ANGEL2: variants seen among roughly 807,000 people sequenced by gnomAD.
ANGEL2 encodes the protein angel homolog 2.
A neutral mutation model predicts 66.0 loss-of-function variants in ANGEL2; 41 were observed. The ratio of observed to expected loss-of-function variants is 0.62; its 90% CI spans 0.48 to 0.81. ANGEL2 has a LOEUF of 0.81. Among genes scored for constraint, ANGEL2 ranks in the 30% least tolerant of loss-of-function variants. The pLI is 0.00. For missense variants in ANGEL2, 561 were observed against 641.6 expected, an observed-to-expected ratio of 0.87 and a Z score of 1.36; for synonymous variants, 208 against 226.5, an observed-to-expected ratio of 0.92 and a Z score of 0.73.
At chr1:213,004,689 G>A (rs1164961339) in intron 5 of ANGEL2, among the ~76,000 whole-genome samples, 1 of 151,764 alleles carries the variant, frequency 6.6e-6, no homozygotes, top group Non-Finnish European at 1.5e-5. Flanking sequence ...TCAACAAGCT[G>A]AAACCCCGTC....
intron 1 of ANGEL2, chr1:213,015,209 G>A (rs1411006257): frequency 9.5e-7 from 1 of 1,049,418 alleles, no homozygotes; most frequent in Non-Finnish European, 1.1e-6. Flanking sequence ...CAAGGGATCA[G>A]GCCCGCCGAG....
chr1:213,005,505 C>T (rs2076300632), intron 4 of ANGEL2, 51 bp from the exon 5 acceptor site: 4 of 1,476,926 alleles, frequency 2.7e-6, no homozygotes, highest in African/African-American at 1.4e-5. Flanking sequence ...ATATATTTAT[C>T]AAAACACAGC....
intron 1 of ANGEL2, chr1:213,015,177 G>A: frequency 9.8e-7 from 1 of 1,019,924 alleles, no homozygotes; most frequent in African/African-American, 1.7e-5. Context: ...CCCCTCCTGG[G>A]CGTGTGCCAC....
intron 8 of ANGEL2, among the ~76,000 whole-genome samples, chr1:212,996,025 C>T (rs1417682284): frequency 1.3e-5 from 2 of 152,142 alleles, no homozygotes; most frequent in Non-Finnish European, 1.5e-5. Context: ...ACCTGATTTT[C>T]GGCCGGGCAC....
chr1:213,008,727 T>C (rs747092817), intron 2 of ANGEL2, among the ~76,000 whole-genome samples: 4 of 152,228 alleles, frequency 2.6e-5, no homozygotes, highest in Non-Finnish European at 5.9e-5. Context: ...TGAGAGTATG[T>C]GTTAACAAAG....
At chr1:213,008,994 A>G (rs1442157830) in intron 2 of ANGEL2, among the ~76,000 whole-genome samples, 1 of 152,258 alleles carries the variant, frequency 6.6e-6, no homozygotes, top group East Asian at 1.9e-4. Context: ...ATGGCAATAT[A>G]TGGAAGAAGT....
chr1:212,994,819 A>G lies in ANGEL2; in HGVS notation c.*222T>C. 3.0e-6 allele frequency: 1 copy of G among 331,008 alleles called. No homozygotes were observed. The highest frequency in any genetic ancestry group is 5.4e-6 in the Non-Finnish European group (1 of 186,626). The allele number at this position is 331,008 out of a possible 1,614,324, so 20.5% of individuals were successfully genotyped here. A position where few individuals can be genotyped will look rare whatever the true frequency, so the allele number is the denominator to read the frequency against. On this transcript the variant is annotated 3_prime_UTR_variant, in exon 9 of 9. Coordinates refer to ENST00000366962, the MANE Select transcript of ANGEL2 (RefSeq NM_144567.5). ...TATAAAACCTTTACATCTCTTTTAC[A>G]ATAAAGAGAATTTAGAGCTCACTTG...
intron 5 of ANGEL2, among the ~76,000 whole-genome samples, chr1:213,002,682 C>G (rs2076208371): frequency 6.6e-6 from 1 of 152,136 alleles, no homozygotes; most frequent in African/African-American, 2.4e-5. Flanking sequence ...CTTTGAGGGG[C>G]TGAGGCAGGA....
intron 2 of ANGEL2, 130 bp from the exon 3 acceptor site, chr1:213,008,596 T>C (rs1341799352): frequency 2.0e-5 from 21 of 1,075,710 alleles, no homozygotes; most frequent in Non-Finnish European, 2.7e-5. Flanking sequence ...CCCTAGGAAG[T>C]GGCAATATAG....
intron 7 of ANGEL2, 139 bp from the exon 8 acceptor site, chr1:212,997,457 A>G: frequency 7.2e-6 from 5 of 694,482 alleles, no homozygotes; most frequent in Non-Finnish European, 1.2e-5. Context: ...ACCATATCAT[A>G]ATTTAGTATT....
chr1:213,012,398 T>G (rs1260294990), intron 2 of ANGEL2, among the ~76,000 whole-genome samples: 2 of 152,182 alleles, frequency 1.3e-5, no homozygotes, highest in Non-Finnish European at 2.9e-5. Context: ...GATGGGGTTG[T>G]GATGGGGGCA....
At position 213,015,761 on chromosome 1, in the gene ANGEL2, C is replaced by A; in HGVS notation, c.-90G>T. Reference sequence around the variant, plus strand: ...CGACGGCCTAAAGTATCTAGGGAACCCCATCACTCTTAAGTACCGACTCCA... The same window carrying A: ...CGACGGCCTAAAGTATCTAGGGAACACCATCACTCTTAAGTACCGACTCCA... On this transcript the variant is annotated 5_prime_UTR_variant, in exon 1 of 9. Coordinates refer to ENST00000366962, the MANE Select transcript of ANGEL2 (RefSeq NM_144567.5). The A allele has an allele frequency of 6.4e-7, 1 of 1,574,204 alleles. No homozygotes were observed. The highest frequency in any genetic ancestry group is 1.7e-5 in the Admixed American group (1 of 59,300).
In ANGEL2 at chr1:212,997,299, G is replaced by A; in HGVS notation, c.1339C>T (p.His447Tyr). 1 of 1,608,168 alleles carries A rather than the reference G, an allele frequency of 6.2e-7. No individual in the cohort carries two copies. The highest frequency in any genetic ancestry group is 8.5e-7 in the Non-Finnish European group (1 of 1,175,578). ...TAEKLSSNLQ[H>Y]HFSLSSVYSH... Reference sequence around the variant, plus strand: ...TAAACAGATGACAAACTGAAATGGTGCTGTAAATTTGAAGACAATCTAAAT... The same window carrying A: ...TAAACAGATGACAAACTGAAATGGTACTGTAAATTTGAAGACAATCTAAAT... Residue 447 changes from histidine (H) to tyrosine (Y), a missense_variant, in exon 8 of 9, where the codon CAC (histidine) becomes TAC (tyrosine). By Grantham distance (83) the His-to-Tyr change is moderately conservative. Transcript: ENST00000366962.
intron 2 of ANGEL2, among the ~76,000 whole-genome samples, chr1:213,010,488 C>T (rs1225512862): frequency 2.0e-5 from 3 of 151,214 alleles, no homozygotes; most frequent in East Asian, 3.9e-4. Context: ...AGGAGAATGG[C>T]GTGAACCTGG....
Position 213,015,864 on chromosome 1 carries a change from G to GA in ANGEL2, c.-194dup, listed in dbSNP as rs2076634409. 1.7e-5 allele frequency: 11 copies of GA among 653,988 alleles called. No homozygotes were observed. In the East Asian group the frequency reaches 2.6e-4, roughly 15 times the overall value. The allele number at this position is 653,988 out of a possible 1,614,324, so 40.5% of individuals were successfully genotyped here. On this transcript the variant is annotated 5_prime_UTR_variant, in exon 1 of 9. Transcript: ENST00000366962. ...TCCATCTTGCGCAGTCAGAGTCCCTGAATGCCTTAACCCGGAATTCTGCTC... is the reference window on the plus strand; with the variant it reads ...TCCATCTTGCGCAGTCAGAGTCCCTGAAATGCCTTAACCCGGAATTCTGCTC...
intron 8 of ANGEL2, among the ~76,000 whole-genome samples, chr1:212,996,650 T>TATAC (rs2076029650): frequency 2.1e-5 from 2 of 95,372 alleles, no homozygotes; most frequent in South Asian, 5.2e-4. Flanking sequence ...AATATATATA[T>TATAC]ATATATATAT....
At chr1:213,010,175 T>C (rs1226741014) in intron 2 of ANGEL2, among the ~76,000 whole-genome samples, 1 of 152,058 alleles carries the variant, frequency 6.6e-6, no homozygotes, top group Non-Finnish European at 1.5e-5. Context: ...TTCCCTATCA[T>C]TCACTGAAGA....
chr1:213,008,329 G>A lies in ANGEL2; in HGVS notation c.523C>T (p.Leu175Phe), dbSNP rs1235924414. Residue 175 changes from leucine (L) to phenylalanine (F), a missense_variant, in exon 3 of 9, where the codon CTT becomes TTT. Transcript: ENST00000366962. ...FDFSVMSYNILSQDLLEDNSH... is the reference protein window; with the variant it reads ...FDFSVMSYNIFSQDLLEDNSH... ...TTATCTTCCAGTAAATCTTGTGAAA[G>A]TATATTATAGGACATCACTGAAAAG... 1 of 1,614,158 alleles carries A rather than the reference G, an allele frequency of 6.2e-7. No homozygotes were observed. Among genetic ancestry groups the A allele is most frequent in the African/African-American group, 1.3e-5 (1 of 75,054 alleles).
intron 7 of ANGEL2, 132 bp from the exon 8 acceptor site, chr1:212,997,450 A>G (rs1041832444): frequency 1.9e-5 from 14 of 729,008 alleles, no homozygotes; most frequent in Non-Finnish European, 2.8e-5. Context: ...TAAAAAGACC[A>G]TATCATAATT....
Sources: gnomAD v4.1 joint callset for allele counts (sites outside exome capture counted in the v4.1 genomes callset) on GRCh38, gnomAD v4.1.1 for gene constraint, MANE v1.5 for transcripts, NCBI Gene and HGNC (gene_info 2026-07-23, HGNC 2026-07-21) for gene names.